The following CACNA1D variants were observed in gnomAD, a reference collection of about 807,000 sequenced individuals.
CACNA1D encodes the protein calcium voltage-gated channel subunit alpha1 D.
A neutral mutation model predicts 257.1 loss-of-function variants in CACNA1D; 55 were observed. The observed-to-expected ratio is 0.21, with a 90% CI of 0.17 to 0.27. CACNA1D has a LOEUF of 0.27. CACNA1D is among the 10% of genes least tolerant of loss of function. The pLI is 1.00. For synonymous variants in CACNA1D, 980 were observed against 1,014.9 expected, an observed-to-expected ratio of 0.97 and a Z score of 0.65; for missense variants, 1,876 against 2,784.0, an observed-to-expected ratio of 0.67 and a Z score of 7.34.
At chr3:53,785,491 C>T (rs1273059781) in intron 39 of CACNA1D, 1 of 152,264 alleles carries the variant, frequency 6.6e-6, no homozygotes. Context: ...GGCAGCACCT[C>T]CTGGATGGGC....
intron 3 of CACNA1D, among the ~76,000 whole-genome samples, chr3:53,503,060 A>G (rs2090671441): frequency 6.6e-6 from 1 of 152,222 alleles, no homozygotes; most frequent in Admixed American, 6.5e-5. Context: ...GCTCTTGTGA[A>G]TAAGCCTTAA....
rs1308927501 is a variant in CACNA1D at position 53,673,841 on chromosome 3, C to T, written c.1220+715C>T. 1 of 1,451,006 alleles carries T rather than the reference C, an allele frequency of 6.9e-7. No individual in the cohort carries two copies. Among genetic ancestry groups the T allele is most frequent in the East Asian group, 2.3e-5 (1 of 44,162 alleles). The allele number at this position is 1,451,006 out of a possible 1,614,324, so 89.9% of individuals were successfully genotyped here. A position where few individuals can be genotyped will look rare whatever the true frequency, so the allele number is the denominator to read the frequency against. ...GGTAAGCAGTCGGATCCGTGTTGCA[C>T]CTTCTCCTGCTGCCACGTGTGAGGC... On this transcript the variant is annotated intron_variant, in intron 8 of 47. Transcript: ENST00000350061. This position sits in a 1 kb window ranked among gnomAD's most constrained non-coding sequence, Gnocchi z 4.1.
At chr3:53,787,305 T>C (rs1293139836) in intron 40 of CACNA1D, among the ~76,000 whole-genome samples, 1 of 152,174 alleles carries the variant, frequency 6.6e-6, no homozygotes, top group East Asian at 1.9e-4. Flanking sequence ...GGCTGCCCAG[T>C]GAATGAACAG....
chr3:53,558,371 C>T (rs1350231775), intron 3 of CACNA1D, among the ~76,000 whole-genome samples: 7 of 152,114 alleles, frequency 4.6e-5, no homozygotes, highest in African/African-American at 1.7e-4. Flanking sequence ...CCAGTTAAGC[C>T]ATATGGGTTT....
chr3:53,749,564 C>G, intron 27 of CACNA1D, 95 bp downstream of exon 27: 1 of 860,462 alleles, frequency 1.2e-6, no homozygotes, highest in Non-Finnish European at 2.0e-6. Context: ...AGAAGGGCAC[C>G]CACATACTGT....
chr3:53,645,933 T>G (rs1412598439), intron 3 of CACNA1D, among the ~76,000 whole-genome samples: 1 of 152,138 alleles, frequency 6.6e-6, no homozygotes, highest in Non-Finnish European at 1.5e-5. Flanking sequence ...AGTGGCTGAG[T>G]TGGGACTAGC....
intron 3 of CACNA1D, among the ~76,000 whole-genome samples, chr3:53,553,343 C>G (rs755975397): frequency 6.6e-6 from 1 of 152,116 alleles, no homozygotes; most frequent in Non-Finnish European, 1.5e-5. Flanking sequence ...TGCCGCTGCC[C>G]GTCTGTCTGC....
chr3:53,802,725 C>T (rs529048626), intron 43 of CACNA1D, among the ~76,000 whole-genome samples: 35 of 152,290 alleles, frequency 2.3e-4, no homozygotes, highest in African/African-American at 7.2e-4. Flanking sequence ...GAAGTGAAGT[C>T]GGGAGCCATG....
chr3:53,722,465 C>G lies in CACNA1D; in HGVS notation c.1657C>G (p.Gln553Glu). The G allele has an allele frequency of 6.2e-7, 1 of 1,614,132 alleles. No homozygotes were observed. The highest frequency in any genetic ancestry group is 8.5e-7 in the Non-Finnish European group (1 of 1,180,022). Residue 553 changes from glutamine (Q) to glutamate (E), a missense_variant, in exon 12 of 48, where the codon CAG becomes GAG. Gln to Glu is a conservative substitution (Grantham distance 29). Transcript: ENST00000350061. ...EHYNQPDWLTQIQDIANKVLL... is the reference protein window; with the variant it reads ...EHYNQPDWLTEIQDIANKVLL... ...CTACAATCAGCCAGATTGGTTGACACAGATTCAAGGTACAAGCAGAGGCCA... is the reference window on the plus strand; with the variant it reads ...CTACAATCAGCCAGATTGGTTGACAGAGATTCAAGGTACAAGCAGAGGCCA...
At chr3:53,539,711 C>T (rs955407935) in intron 3 of CACNA1D, among the ~76,000 whole-genome samples, 2 of 152,226 alleles carry the variant, frequency 1.3e-5, no homozygotes, top group South Asian at 2.1e-4. Flanking sequence ...TCACCAACAG[C>T]GTGTGAGCAT....
chr3:53,503,475 AC>A (rs1178430489), intron 3 of CACNA1D, among the ~76,000 whole-genome samples: 6 of 152,234 alleles, frequency 3.9e-5, no homozygotes, highest in African/African-American at 1.4e-4. Context: ...CCAGATTGTT[AC>A]TTTTCGTAGC....
chr3:53,799,680 T>C (rs1243761092), intron 40 of CACNA1D, among the ~76,000 whole-genome samples: 1 of 152,188 alleles, frequency 6.6e-6, no homozygotes, highest in Non-Finnish European at 1.5e-5. Context: ...TCCGTCGTGG[T>C]CCGAGTGTGC....
intron 8 of CACNA1D, chr3:53,678,931 T>C (rs1391103561): frequency 6.6e-6 from 1 of 152,122 alleles, no homozygotes; most frequent in East Asian, 1.9e-4. Context: ...ACATATCCTC[T>C]GGGAATAGGC....
At chr3:53,507,452 CAAAA>C (rs60741810) in intron 3 of CACNA1D, among the ~76,000 whole-genome samples, 1 of 123,178 alleles carries the variant, frequency 8.1e-6, no homozygotes. Flanking sequence ...CTCCCCCCGC[CAAAA>C]AAAAAAAAAA....
At chr3:53,754,735 T>A (rs1199455178) in intron 29 of CACNA1D, among the ~76,000 whole-genome samples, 1 of 152,234 alleles carries the variant, frequency 6.6e-6, no homozygotes, top group Admixed American at 6.5e-5. Flanking sequence ...GAGTTAGAGA[T>A]GACAGAGTTC....
chr3:53,707,027 T>C (rs2108616099), intron 9 of CACNA1D, among the ~76,000 whole-genome samples: 1 of 152,258 alleles, frequency 6.6e-6, no homozygotes, highest in African/African-American at 2.4e-5. Flanking sequence ...ATCTGTTAAC[T>C]AGGTCACTTT....
chr3:53,668,852 G>A (rs1020119636), intron 7 of CACNA1D, among the ~76,000 whole-genome samples: 2 of 152,108 alleles, frequency 1.3e-5, no homozygotes, highest in Admixed American at 6.5e-5. Flanking sequence ...TTTGAATTTT[G>A]TATGATTTTT....
chr3:53,794,185 C>A (rs528106949), intron 40 of CACNA1D, among the ~76,000 whole-genome samples: 28 of 152,256 alleles, frequency 1.8e-4, no homozygotes, highest in Middle Eastern at 3.4e-3. Context: ...AGTGATGTGA[C>A]GTAGTAGTAA....
intron 3 of CACNA1D, among the ~76,000 whole-genome samples, chr3:53,577,733 G>T (rs1292463991): frequency 6.6e-6 from 1 of 152,148 alleles, no homozygotes; most frequent in East Asian, 1.9e-4. Context: ...GGGCTGTGAG[G>T]CAATGCAGGC....
Sources: allele counts gnomAD v4.1 joint callset (sites outside exome capture counted in the v4.1 genomes callset), GRCh38; gene constraint gnomAD v4.1.1; non-coding constraint Gnocchi (gnomAD v3.1); transcripts MANE v1.5; gene names NCBI Gene and HGNC (gene_info 2026-07-23, HGNC 2026-07-21).